The following PLS1 variants were observed in gnomAD, a reference collection of about 807,000 sequenced individuals.
PLS1 encodes the protein plastin 1, also known as plastin-1.
A neutral mutation model predicts 73.7 loss-of-function variants in PLS1; 32 were observed. That is an observed-to-expected ratio of 0.43 (90% CI 0.33 to 0.58). PLS1 has a LOEUF of 0.58. PLS1 is among the 20% of genes least tolerant of loss of function. The pLI is 0.04. For synonymous variants in PLS1, 217 were observed against 261.3 expected (o/e 0.83, Z 1.63); for missense variants, 633 against 740.5 (o/e 0.85, Z 1.68).
At chr3:142,689,388 A>G (rs1267827014) in intron 9 of PLS1, among the ~76,000 whole-genome samples, 2 of 151,926 alleles carry the variant, frequency 1.3e-5, no homozygotes, top group Non-Finnish European at 2.9e-5. Flanking sequence ...ACGCCACTGC[A>G]CTCCAGCCTG....
intron 10 of PLS1, among the ~76,000 whole-genome samples, chr3:142,691,424 G>C (rs2107915316): frequency 1.3e-5 from 2 of 152,078 alleles, no homozygotes; most frequent in South Asian, 4.2e-4. Context: ...AAATCCCTCT[G>C]TCAGTAGAAG....
Position 142,657,481 on chromosome 3 carries a change from C to CTGTTT in PLS1, c.-36-6705_-36-6701dup, listed in dbSNP as rs1275560574. ...ATAAGAAAGTGTTATAGTGTTATTG[C>CTGTTT]TGTTTTGTTTTGTTTTGTTTGTTTG... On this transcript the variant is annotated intron_variant, in intron 1 of 15. Coordinates refer to ENST00000457734, the MANE Select transcript of PLS1 (RefSeq NM_001145319.2). Among the ~76,000 whole-genome samples the CTGTTT allele has an allele frequency of 1.1e-4, 16 of 152,248 alleles. No individual in the cohort carries two copies. In the South Asian group the frequency reaches 1.7e-3, roughly 16 times the overall value.
chr3:142,617,494 TG>T (rs2036236407), intron 1 of PLS1, among the ~76,000 whole-genome samples: 1 of 152,060 alleles, frequency 6.6e-6, no homozygotes, highest in African/African-American at 2.4e-5. Flanking sequence ...AGGTAGTTGG[TG>T]GGAGAAATGG....
intron 1 of PLS1, among the ~76,000 whole-genome samples, chr3:142,663,608 A>G (rs974330036): frequency 2.0e-5 from 3 of 152,170 alleles, no homozygotes; most frequent in African/African-American, 7.2e-5. Context: ...CTGAGGTGGG[A>G]GGATCACTTA....
At chr3:142,604,762 G>T (rs758954957) in intron 1 of PLS1, among the ~76,000 whole-genome samples, 1 of 151,938 alleles carries the variant, frequency 6.6e-6, no homozygotes, top group African/African-American at 2.4e-5. Context: ...GTGAAACCCC[G>T]TCTCTACTAA....
intron 10 of PLS1, among the ~76,000 whole-genome samples, chr3:142,693,850 G>A (rs1457269587): frequency 1.3e-5 from 2 of 151,918 alleles, no homozygotes; most frequent in Non-Finnish European, 2.9e-5. Flanking sequence ...AACCTGTATT[G>A]GGTCTGTGTT....
rs1336948584 is a variant in PLS1 at position 142,615,010 on chromosome 3, A to G, written c.-37+18501A>G. On this transcript the variant is annotated intron_variant, in intron 1 of 15. Coordinates refer to ENST00000457734, the MANE Select transcript of PLS1 (RefSeq NM_001145319.2). ...TGAAAATTGAGACAGAGAAGCATCC[A>G]TCTGCAGGATCTGGGTAGGGTGGGC... is the stretch of plus-strand genomic sequence containing the variant. Among the ~76,000 whole-genome samples, 4 of 152,138 alleles carry G rather than the reference A, an allele frequency of 2.6e-5. No individual in the cohort carries two copies. In the South Asian group the frequency reaches 6.2e-4, roughly 24 times the overall value.
In PLS1 at chr3:142,678,013, A is replaced by G. The variant is rs768069455; in HGVS notation, c.498-19A>G. ...ATTTCTTGGAGTATTAAACTAAATT[A>G]TTCTCATTTTCTCTTTAGCAAAATG... On this transcript the variant is annotated intron_variant, in intron 5 of 15. Coordinates refer to ENST00000457734, the MANE Select transcript of PLS1 (RefSeq NM_001145319.2). 2 of 1,288,962 alleles carry G rather than the reference A, an allele frequency of 1.6e-6. No homozygotes were observed. The highest frequency in any genetic ancestry group is 2.3e-5 in the Admixed American group (1 of 44,060). The allele number at this position is 1,288,962 out of a possible 1,614,324, so 79.8% of individuals were successfully genotyped here.
chr3:142,634,873 CAT>C (rs1369511253), intron 1 of PLS1, among the ~76,000 whole-genome samples: 2 of 150,462 alleles, frequency 1.3e-5, no homozygotes, highest in South Asian at 2.1e-4. Flanking sequence ...AATAATAAAA[CAT>C]ATGGGGTTTG....
In PLS1 at chr3:142,654,140, T is replaced by C. The variant is rs1187153869; in HGVS notation, c.-36-10062T>C. ...GGAATATAATGACCGTGGCTGGTCATGGAGATGACCATGGTGGCGGCCCGT... is the reference window on the plus strand; with the variant it reads ...GGAATATAATGACCGTGGCTGGTCACGGAGATGACCATGGTGGCGGCCCGT... On this transcript the variant is annotated intron_variant, in intron 1 of 15. Coordinates refer to ENST00000457734, the MANE Select transcript of PLS1 (RefSeq NM_001145319.2). 5.9e-5 allele frequency among the ~76,000 whole-genome samples: 9 copies of C among 152,078 alleles called. No individual in the cohort carries two copies. The East Asian group carries it at 1.3e-3, about 23-fold the overall frequency.
At chr3:142,709,622 C>T (rs1933016217) in intron 14 of PLS1, among the ~76,000 whole-genome samples, 1 of 152,140 alleles carries the variant, frequency 6.6e-6, no homozygotes, top group South Asian at 2.1e-4. Flanking sequence ...CACAACCATC[C>T]TGGCTAACAC....
At chr3:142,683,920 C>G in intron 6 of PLS1, 86 bp from the exon 7 acceptor site, 1 of 858,956 alleles carries the variant, frequency 1.2e-6, no homozygotes. Flanking sequence ...TGAAATTTGG[C>G]AGTCCATTGT....
intron 5 of PLS1, among the ~76,000 whole-genome samples, chr3:142,676,927 A>G (rs2037736638): frequency 1.3e-5 from 2 of 152,138 alleles, no homozygotes; most frequent in Admixed American, 6.6e-5. Flanking sequence ...ATTCTAACAC[A>G]TTTCCTTCAG....
At position 142,610,057 on chromosome 3, in the gene PLS1, T is replaced by TG. The variant is rs1189869984; in HGVS notation, c.-37+13552dup. 2.0e-5 allele frequency among the ~76,000 whole-genome samples: 3 copies of TG among 152,288 alleles called. No homozygotes were observed. The East Asian group carries it at 5.8e-4, about 29-fold the overall frequency. On this transcript the variant is annotated intron_variant, in intron 1 of 15. Coordinates refer to ENST00000457734, the MANE Select transcript of PLS1 (RefSeq NM_001145319.2). ...CTAATTTTTGTATTTTTAGTAGAGC[T>TG]GGGGTTTCACCATGTTGGCCAAGCT...
At chr3:142,672,094 C>T (rs772183068) in intron 4 of PLS1, among the ~76,000 whole-genome samples, 8 of 152,150 alleles carry the variant, frequency 5.3e-5, no homozygotes, top group Non-Finnish European at 8.8e-5. Context: ...GTATAATACA[C>T]ATTCAGCAAA....
At chr3:142,617,768 G>A (rs988877725) in intron 1 of PLS1, among the ~76,000 whole-genome samples, 4 of 152,036 alleles carry the variant, frequency 2.6e-5, no homozygotes, top group South Asian at 2.1e-4. Flanking sequence ...ACTTGAGGTC[G>A]GGAGTTTAAG....
At chr3:142,628,027 C>G (rs934026767) in intron 1 of PLS1, 3 of 152,050 alleles carry the variant, frequency 2.0e-5, no homozygotes, top group Admixed American at 1.3e-4. Flanking sequence ...TTTTGTAAAC[C>G]TCTATACTGA....
chr3:142,682,846 A>G (rs972724478), intron 6 of PLS1, among the ~76,000 whole-genome samples: 2 of 152,210 alleles, frequency 1.3e-5, no homozygotes, highest in Non-Finnish European at 2.9e-5. Context: ...AGTATTTGTA[A>G]TTTGCTGTTA....
At chr3:142,608,577 G>A (rs1367664632) in intron 1 of PLS1, among the ~76,000 whole-genome samples, 2 of 152,214 alleles carry the variant, frequency 1.3e-5, no homozygotes, top group African/African-American at 4.8e-5. Flanking sequence ...GAAGAGATGA[G>A]ATTTGAACTC....
Sources: gnomAD v4.1 joint callset for allele counts (sites outside exome capture counted in the v4.1 genomes callset) on GRCh38, gnomAD v4.1.1 for gene constraint, MANE v1.5 for transcripts, NCBI Gene and HGNC (gene_info 2026-07-23, HGNC 2026-07-21) for gene names.